Variants in NUMA1 observed in about 807,000 individuals in gnomAD.
The protein encoded by NUMA1 is SP-H antigen.
In NUMA1, 62 loss-of-function variants were observed where a neutral mutation model predicts 237.1. The observed-to-expected ratio is 0.26, with a 90% confidence interval of 0.21 to 0.32. The LOEUF (loss-of-function observed/expected upper bound fraction) is 0.32, where lower values mean the gene tolerates loss of function less well. NUMA1 is among the 10% of genes least tolerant of loss of function. NUMA1 has a pLI of 1.00. For missense variants in NUMA1, 2,533 were observed against 2,666.5 expected, an observed-to-expected ratio of 0.95 and a Z score of 1.10; for synonymous variants, 1,028 against 1,066.1, an observed-to-expected ratio of 0.96 and a Z score of 0.70.
At position 72,013,573 on chromosome 11, in the gene NUMA1, G is replaced by A. The variant is rs141746240; in HGVS notation, c.3930C>T (p.Asn1310=). ...EAEKQRVASE[N]LRQELTSQAE... The stretch of plus-strand genomic sequence containing the variant: ...CCTGTGAGGTCAGCTCCTGCCGCAG[G>A]TTCTCTGAAGCCACCCGCTGTTTCT... Residue 1310 remains asparagine, a synonymous_variant, in exon 15 of 27, where the codon AAC becomes AAT. Transcript: ENST00000393695. This position sits in a 1 kb window ranked among gnomAD's most constrained non-coding sequence, Gnocchi z 6.8. The A allele has an allele frequency of 7.4e-6, 12 of 1,613,158 alleles. No homozygotes were observed. In the African/African-American group the frequency reaches 1.3e-4, roughly 18 times the overall value.
chr11:72,006,403 C>G (rs1955705191), intron 21 of NUMA1, 140 bp from the exon 22 acceptor site: 1 of 679,784 alleles, frequency 1.5e-6, no homozygotes, highest in Non-Finnish European at 2.4e-6. Context: ...AAGTGTGTGT[C>G]TGCAAGAAAT....
In NUMA1 at chr11:72,005,320, C is replaced by G; in HGVS notation, c.5742G>C (p.Leu1914=). The change falls in exon 23 of 27, where the codon CTG becomes CTC. Residue 1914 remains leucine, a synonymous_variant. Transcript: ENST00000393695. The part of the protein sequence containing the change: ...MGTCQDEPEQ[L]DDWNRIAELQ... ...GCTCTGCAATGCGGTTCCAGTCATC[C>G]AGCTGCTCAGGCTCATCCTGGCAAG... The G allele has an allele frequency of 2.5e-6, 4 of 1,608,248 alleles. No homozygotes were observed. The highest frequency in any genetic ancestry group is 3.4e-6 in the Non-Finnish European group (4 of 1,177,384).
chr11:72,074,123 G>C (rs1344720205), intron 1 of NUMA1, among the ~76,000 whole-genome samples: 1 of 151,596 alleles, frequency 6.6e-6, no homozygotes, highest in Non-Finnish European at 1.5e-5. Flanking sequence ...GAACCCAGGA[G>C]GCAGAGGTTG....
rs764194061 is a variant in NUMA1, at chr11:72,003,981, C to T, written c.6242G>A (p.Arg2081His). The T allele has an allele frequency of 3.7e-6, 6 of 1,613,000 alleles. No homozygotes were observed. The East Asian group carries it at 6.7e-5, about 18-fold the overall frequency. The change falls in exon 26 of 27, where the codon CGC becomes CAC. Residue 2081 changes from arginine (R) to histidine (H), a missense_variant. By Grantham distance (29) the Arg-to-His change is conservative (BLOSUM62 0). Coordinates refer to ENST00000393695, the MANE Select transcript of NUMA1 (RefSeq NM_006185.4). ...GCGCGGAGAACGGCGGGTTCCACTG[C>T]GAGTGTTGGGGGAAGCCTTGGACAG... ...KALSKASPNT[R>H]SGTRRSPRIA...
At position 72,015,335 on chromosome 11, in the gene NUMA1, C is replaced by T. The variant is rs372250812; in HGVS notation, c.2168G>A (p.Arg723His). The T allele has an allele frequency of 1.1e-4, 176 of 1,613,332 alleles. No individual in the cohort carries two copies. The highest frequency in any genetic ancestry group is 4.9e-4 in the East Asian group (22 of 44,886). Residue 723 changes from arginine (R) to histidine (H), a missense_variant, in exon 15 of 27, where the codon CGC (arginine) becomes CAC (histidine). Transcript: ENST00000393695. The surrounding 1 kb of genome is among the most constrained non-coding windows in gnomAD (Gnocchi z 4.0). ...VTKGSLEEEK[R>H]RAADALEEQQ... ...CTCTTCCAGGGCATCTGCAGCCCTG[C>T]GCTTCTCCTCTTCAAGGCTGCCCTT...
At chr11:72,029,554 A>G (rs2135524763) in intron 3 of NUMA1, among the ~76,000 whole-genome samples, 1 of 152,352 alleles carries the variant, frequency 6.6e-6, no homozygotes, top group Non-Finnish European at 1.5e-5. Flanking sequence ...CAGCACTGGG[A>G]GTATTTTGGA....
At chr11:72,027,714 A>C (rs528809657) in intron 4 of NUMA1, among the ~76,000 whole-genome samples, 1 of 152,364 alleles carries the variant, frequency 6.6e-6, no homozygotes, top group African/African-American at 2.4e-5. Context: ...ATGAAGAGTC[A>C]CTGAAGTGTC....
chr11:72,070,352 A>G (rs1467792615), intron 1 of NUMA1, among the ~76,000 whole-genome samples: 1 of 152,218 alleles, frequency 6.6e-6, no homozygotes, highest in African/African-American at 2.4e-5. Flanking sequence ...CAAGTCATTT[A>G]TTCAACCTTA....
At chr11:72,048,605 T>C (rs201269415) in intron 2 of NUMA1, among the ~76,000 whole-genome samples, 1 of 152,114 alleles carries the variant, frequency 6.6e-6, no homozygotes, top group Non-Finnish European at 1.5e-5. Context: ...ACTCCTTACC[T>C]CAGGTGATCC....
At position 72,013,768 on chromosome 11, in the gene NUMA1, C is replaced by A. The variant is rs374109028; in HGVS notation, c.3735G>T (p.Glu1245Asp). ...GCCGCTTCAACTCCTTGCTCTCCCC[C>A]TCCTTCTCCAGGACCTGGCGATTCA... ...SILNRQVLEK[E>D]GESKELKRLV... Residue 1245 changes from glutamate (E) to aspartate (D), a missense_variant, in exon 15 of 27, where the codon GAG becomes GAT. Coordinates refer to ENST00000393695, the MANE Select transcript of NUMA1 (RefSeq NM_006185.4). This position sits in a 1 kb window ranked among gnomAD's most constrained non-coding sequence, Gnocchi z 6.8. 25 of 1,609,972 alleles carry A rather than the reference C, an allele frequency of 1.6e-5. No individual in the cohort carries two copies. The highest frequency in any genetic ancestry group is 2.1e-5 in the Non-Finnish European group (25 of 1,180,030).
At chr11:72,045,801 G>GC (rs1476291453) in intron 2 of NUMA1, among the ~76,000 whole-genome samples, 2 of 152,130 alleles carry the variant, frequency 1.3e-5, no homozygotes, top group Non-Finnish European at 2.9e-5. Context: ...TTAAAGACTG[G>GC]CATTATCAAT....
Position 72,012,433 on chromosome 11 carries a change from G to A in NUMA1, c.4618C>T (p.Leu1540=). Residue 1540 remains leucine (L), a synonymous_variant, in exon 16 of 27, where the codon CTA becomes TTA. Coordinates refer to ENST00000393695, the MANE Select transcript of NUMA1 (RefSeq NM_006185.4). ...GTTTGCTCTCTCTGAAATACCTCTA[G>A]CTGCTCCACCTGTACATGGGGGAGG... ...RQKLTAQVEQ[L]EVFQREQTKQ... is the part of the protein sequence containing the mutation. 2 of 1,613,044 alleles carry A rather than the reference G, an allele frequency of 1.2e-6. No homozygotes were observed. Among genetic ancestry groups the A allele is most frequent in the African/African-American group, 1.3e-5 (1 of 75,040 alleles).
chr11:72,060,533 C>T (rs1214326608), intron 2 of NUMA1, among the ~76,000 whole-genome samples: 7 of 152,110 alleles, frequency 4.6e-5, no homozygotes, highest in African/African-American at 1.7e-4. Context: ...ATCCCAGATA[C>T]TCAGGAGGCT....
intron 20 of NUMA1, chr11:72,007,648 G>A (rs1590867383): frequency 1.6e-6 from 1 of 622,398 alleles, no homozygotes; most frequent in Non-Finnish European, 2.8e-6. Flanking sequence ...TCCTCATAGT[G>A]GCAATGCCCA....
At chr11:72,068,942 G>A (rs1052369147) in intron 2 of NUMA1, among the ~76,000 whole-genome samples, 2 of 152,118 alleles carry the variant, frequency 1.3e-5, no homozygotes. Flanking sequence ...TTGGCTCACG[G>A]CATCTTCTGG....
intron 3 of NUMA1, among the ~76,000 whole-genome samples, chr11:72,032,903 A>C (rs888230907): frequency 6.6e-6 from 1 of 152,246 alleles, no homozygotes; most frequent in Non-Finnish European, 1.5e-5. Flanking sequence ...TTCAGAAGAC[A>C]AAAAACAGAG....
rs945170870 is a variant in NUMA1, at chr11:72,079,270, G to C, written c.-103+1188C>G. ...AAATACCAGATGGCAGGCCGGGCGT[G>C]ATGGCTCACGCCTGTAATCCCAAGC... On this transcript the variant is annotated intron_variant, in intron 1 of 26. Transcript: ENST00000393695. 4.1e-5 allele frequency among the ~76,000 whole-genome samples: 5 copies of C among 121,816 alleles called. No homozygotes were observed. In the South Asian group the frequency reaches 1.4e-3, roughly 34 times the overall value. 79.9% of individuals were successfully genotyped at this position (121,816 alleles called of 152,430 possible).
chr11:72,008,643 C>T (rs1955923012), intron 20 of NUMA1, 45 bp downstream of exon 20: 12 of 1,595,882 alleles, frequency 7.5e-6, no homozygotes, highest in Non-Finnish European at 1.0e-5. Flanking sequence ...TGATAAACAG[C>T]AGGCACTCCA....
intron 3 of NUMA1, 104 bp from the exon 4 acceptor site, chr11:72,029,394 A>G (rs745837963): frequency 5.9e-5 from 34 of 574,950 alleles, no homozygotes; most frequent in Non-Finnish European, 9.6e-5. Context: ...GACTATAGGA[A>G]TACAAGAACT....
Sources: allele counts gnomAD v4.1 joint callset (sites outside exome capture counted in the v4.1 genomes callset), GRCh38; gene constraint gnomAD v4.1.1; non-coding constraint Gnocchi (gnomAD v3.1); transcripts MANE v1.5; gene names NCBI Gene and HGNC (gene_info 2026-07-23, HGNC 2026-07-21).